Variants in NUP210L observed in about 807,000 individuals in gnomAD.
NUP210L encodes the protein nuclear pore membrane glycoprotein 210-like.
In NUP210L, 74 loss-of-function variants were observed where a neutral mutation model predicts 208.5. The observed-to-expected ratio is 0.35, with a 90% confidence interval of 0.29 to 0.43. The LOEUF is 0.43. Among genes scored for constraint, NUP210L ranks in the 20% least tolerant of loss-of-function variants. NUP210L has a pLI of 1.00. For synonymous variants in NUP210L, 780 were observed against 816.9 expected (o/e 0.95, Z 0.77); for missense variants, 1,843 against 2,289.4 (o/e 0.81, Z 3.98).
At chr1:154,010,080 G>A in exon 35 of NUP210L, 1 of 1,614,012 alleles carries the variant, frequency 6.2e-7, no homozygotes, top group Non-Finnish European at 8.5e-7. Context: ...GCTGGAAGAA[G>A]TACTTTTGTA....
At position 154,011,679 on chromosome 1, in the gene NUP210L, G is replaced by GTT. The variant is rs34653809; in HGVS notation, c.4780+563_4780+564dup. Among the ~76,000 whole-genome samples, 162 of 78,434 alleles carry GTT rather than the reference G, an allele frequency of 2.1e-3. 12 individuals carry two copies. The highest frequency in any genetic ancestry group is 4.7e-3 in the African/African-American group (96 of 20,528). The allele number at this position is 78,434 out of a possible 152,430, so 51.5% of individuals were successfully genotyped here. A position where few individuals can be genotyped will look rare whatever the true frequency, so the allele number is the denominator to read the frequency against. ...CTCCAGAGTACTAAAATTATCTTAA[G>GTT]TTTTTTTTTTTTTTTTTTTTTTTTT... On this transcript the variant is annotated intron_variant, in intron 34 of 39. Transcript: ENST00000368559.
chr1:154,083,973 A>G (rs1176308417), intron 16 of NUP210L, among the ~76,000 whole-genome samples: 1 of 151,328 alleles, frequency 6.6e-6, no homozygotes, highest in African/African-American at 2.4e-5. Context: ...AACCAGTGCA[A>G]TTTAGAGATG....
intron 27 of NUP210L, among the ~76,000 whole-genome samples, chr1:154,032,261 GT>G (rs1265244614): frequency 1.3e-5 from 2 of 152,066 alleles, no homozygotes; most frequent in African/African-American, 2.4e-5. Flanking sequence ...TTTATATTTA[GT>G]TTTTTGAAAA....
At chr1:153,998,398 T>G (rs967624570) in intron 37 of NUP210L, among the ~76,000 whole-genome samples, 11 of 151,616 alleles carry the variant, frequency 7.3e-5, no homozygotes, top group African/African-American at 2.4e-4. Context: ...CTACTAAAAA[T>G]ACAAAAATTA....
At chr1:154,010,208 A>AT in intron 34 of NUP210L, 87 bp from the exon 35 acceptor site, 2 of 1,272,728 alleles carry the variant, frequency 1.6e-6, no homozygotes, top group Non-Finnish European at 2.2e-6. Context: ...ATTTTGAAGC[A>AT]TAAAAAAAAT....
intron 10 of NUP210L, among the ~76,000 whole-genome samples, chr1:154,120,921 T>A (rs1571298163): frequency 1.3e-5 from 2 of 149,178 alleles, no homozygotes; most frequent in Non-Finnish European, 3.0e-5. Context: ...AAAAAAGTAG[T>A]GCATTATTAA....
At chr1:154,089,571 A>G in exon 16 of NUP210L, 1 of 1,614,150 alleles carries the variant, frequency 6.2e-7, no homozygotes, top group Non-Finnish European at 8.5e-7. Flanking sequence ...CACCTGGATG[A>G]TTTCCAATTC....
chr1:154,004,339 G>A (rs1571154697), intron 35 of NUP210L, among the ~76,000 whole-genome samples: 1 of 151,150 alleles, frequency 6.6e-6, no homozygotes, highest in Non-Finnish European at 1.5e-5. Context: ...AAAATGCCAG[G>A]ATTACAGGCG....
Position 154,018,938 on chromosome 1 carries a change from G to A in NUP210L, c.4648C>T (p.Arg1550Ter), listed in dbSNP as rs1313658047. The stretch of plus-strand genomic sequence containing the variant: ...TCTGATACAGTTATGTTTACCTCTC[G>A]ATATGTTTTCACTACTCCTGGGATG... Residue 1550 changes from arginine to a stop codon, truncating the protein, a stop_gained, in exon 33 of 40, where the codon CGA becomes TGA. Transcript: ENST00000368559. LOFTEE classifies it high-confidence loss of function. 1.9e-6 allele frequency: 3 copies of A among 1,613,760 alleles called. No homozygotes were observed. The highest frequency in any genetic ancestry group is 2.7e-5 in the African/African-American group (2 of 74,860).
At chr1:154,001,757 T>C (rs771459872) in exon 36 of NUP210L, 1 of 1,614,152 alleles carries the variant, frequency 6.2e-7, no homozygotes, top group Non-Finnish European at 8.5e-7. Flanking sequence ...AAGAACTCTG[T>C]CCACTCCCAG....
At chr1:154,041,782 C>T (rs77448944) in intron 27 of NUP210L, among the ~76,000 whole-genome samples, 1,761 of 152,256 alleles carry the variant, frequency 0.012, 20 homozygotes, top group Non-Finnish European at 0.017. Flanking sequence ...AGGACCACCA[C>T]TAAGGCAAAT....
chr1:154,121,751 C>T (rs998236527), intron 10 of NUP210L, among the ~76,000 whole-genome samples: 2 of 151,816 alleles, frequency 1.3e-5, no homozygotes, highest in Non-Finnish European at 2.9e-5. Context: ...CCTGTAATCC[C>T]AGCTACTCGG....
intron 27 of NUP210L, among the ~76,000 whole-genome samples, chr1:154,043,542 A>T (rs1473518860): frequency 6.8e-6 from 1 of 147,118 alleles, no homozygotes; most frequent in Non-Finnish European, 1.5e-5. Flanking sequence ...TCGAACTCCC[A>T]AACTCCCGAC....
At position 154,134,150 on chromosome 1, in the gene NUP210L, C is replaced by CA. The variant is rs370676301; in HGVS notation, c.1009+1663dup. The stretch of plus-strand genomic sequence containing the variant: ...GGGCAACAAGAGCAAAACTCCACCT[C>CA]AAAAAAAAAATAATAATAATAATAA... On this transcript the variant is annotated intron_variant, in intron 7 of 39. Transcript: ENST00000368559. Among the ~76,000 whole-genome samples the CA allele has an allele frequency of 2.4e-3, 337 of 142,638 alleles. 3 individuals carry two copies. Among genetic ancestry groups the CA allele is most frequent in the African/African-American group, 5.2e-3 (200 of 38,446 alleles). The allele number at this position is 142,638 out of a possible 152,430, so 93.6% of individuals were successfully genotyped here.
chr1:154,109,238 T>C (rs978971990), intron 12 of NUP210L, among the ~76,000 whole-genome samples: 1 of 151,540 alleles, frequency 6.6e-6, no homozygotes, highest in African/African-American at 2.4e-5. Context: ...AGAGCAAGAA[T>C]AGCTATGCTT....
chr1:154,081,475 C>T (rs1655320646), intron 16 of NUP210L, among the ~76,000 whole-genome samples: 1 of 152,036 alleles, frequency 6.6e-6, no homozygotes, highest in South Asian at 2.1e-4. Flanking sequence ...CCTTGGATAA[C>T]ATTTGAGTTT....
chr1:154,139,196 C>T lies in NUP210L; in HGVS notation c.717+606G>A, dbSNP rs529387683. ...GGCACAAGAATCACTTGAAACCCCCCCACCCCAAAAAAGGAAGAAATTAGA... is the reference window on the plus strand; with the variant it reads ...GGCACAAGAATCACTTGAAACCCCCTCACCCCAAAAAAGGAAGAAATTAGA... On this transcript the variant is annotated intron_variant, in intron 5 of 39. Transcript: ENST00000368559. Among the ~76,000 whole-genome samples, 3 of 151,902 alleles carry T rather than the reference C, an allele frequency of 2.0e-5. No individual in the cohort carries two copies. In the South Asian group the frequency reaches 6.2e-4, roughly 32 times the overall value.
At chr1:154,060,450 A>G (rs1654075426) in intron 20 of NUP210L, 90 bp downstream of exon 20, 1 of 766,482 alleles carries the variant, frequency 1.3e-6, no homozygotes, top group Non-Finnish European at 2.2e-6. Flanking sequence ...CTTCTGTAAC[A>G]AGTTTTAGAC....
intron 27 of NUP210L, among the ~76,000 whole-genome samples, chr1:154,042,197 T>C (rs1652924463): frequency 6.6e-6 from 1 of 151,564 alleles, no homozygotes; most frequent in Admixed American, 6.6e-5. Context: ...CCTCCCGGGC[T>C]CAGGTGATTC....
Sources: gnomAD v4.1 joint callset for allele counts (sites outside exome capture counted in the v4.1 genomes callset) on GRCh38, gnomAD v4.1.1 for gene constraint, MANE v1.5 for transcripts, NCBI Gene and HGNC (gene_info 2026-07-23, HGNC 2026-07-21) for gene names.